The following FGF14 variants were observed in gnomAD, a reference collection of about 807,000 sequenced individuals.
FGF14 encodes the protein fibroblast growth factor homologous factor 4.
In FGF14, 5 loss-of-function variants were observed where a neutral mutation model predicts 25.5. The observed-to-expected ratio is 0.20, with a 90% CI of 0.10 to 0.41. FGF14 has a LOEUF of 0.41. FGF14 is among the 10% of genes least tolerant of loss of function. The probability of loss-of-function intolerance (pLI) is 1.00; values close to 1 mark genes in which losing one functional copy is unlikely to be tolerated. For synonymous variants in FGF14, 138 were observed against 118.3 expected (o/e 1.17, Z -1.08); for missense variants, 222 against 320.1 (o/e 0.69, Z 2.34).
chr13:102,387,402 G>C (rs908742422), intron 1 of FGF14, among the ~76,000 whole-genome samples: 5 of 151,822 alleles, frequency 3.3e-5, no homozygotes, highest in African/African-American at 1.2e-4. Flanking sequence ...GATCATAAAG[G>C]TTACTAAAAC....
intron 1 of FGF14, among the ~76,000 whole-genome samples, chr13:102,109,198 T>TA (rs2045088644): frequency 1.3e-5 from 2 of 152,136 alleles, no homozygotes; most frequent in African/African-American, 2.4e-5. Context: ...TAATTAAAGT[T>TA]AAAATCATAA....
At chr13:102,071,686 A>T (rs2140152960) in intron 1 of FGF14, among the ~76,000 whole-genome samples, 1 of 152,298 alleles carries the variant, frequency 6.6e-6, no homozygotes, top group Middle Eastern at 3.4e-3. Flanking sequence ...TTGATGGTAG[A>T]CAACTAGATA....
intron 1 of FGF14, among the ~76,000 whole-genome samples, chr13:101,957,987 T>C (rs981744962): frequency 3.9e-5 from 6 of 152,162 alleles, no homozygotes; most frequent in Non-Finnish European, 1.5e-5. Context: ...TAGTAAATAG[T>C]ATAGGAAAAT....
At chr13:101,938,641 A>G (rs1363989067) in intron 1 of FGF14, among the ~76,000 whole-genome samples, 3 of 152,176 alleles carry the variant, frequency 2.0e-5, no homozygotes, top group Non-Finnish European at 2.9e-5. Flanking sequence ...TTCTAAATGT[A>G]TCCTCTTGGA....
chr13:101,827,285 C>T (rs894481760), intron 3 of FGF14, among the ~76,000 whole-genome samples: 9 of 151,820 alleles, frequency 5.9e-5, no homozygotes, highest in African/African-American at 2.2e-4. Context: ...ATTTACAATG[C>T]ACATAGCTTG....
At chr13:102,057,692 T>C (rs914135830) in intron 1 of FGF14, among the ~76,000 whole-genome samples, 9 of 152,184 alleles carry the variant, frequency 5.9e-5, no homozygotes, top group African/African-American at 2.2e-4. Context: ...GAACTTATTT[T>C]TGTTGACAGT....
intron 1 of FGF14, among the ~76,000 whole-genome samples, chr13:102,259,492 ACTC>A (rs2052611972): frequency 6.6e-6 from 1 of 151,854 alleles, no homozygotes; most frequent in African/African-American, 2.4e-5. Context: ...GTTAGGAGAC[ACTC>A]CTCCTTGTTT....
chr13:102,332,385 T>C (rs2056659936), intron 1 of FGF14, among the ~76,000 whole-genome samples: 1 of 152,166 alleles, frequency 6.6e-6, no homozygotes, highest in Non-Finnish European at 1.5e-5. Context: ...CCATTGTATG[T>C]TAATATTTTA....
At chr13:101,988,804 T>C (rs1265261126) in intron 1 of FGF14, among the ~76,000 whole-genome samples, 3 of 152,044 alleles carry the variant, frequency 2.0e-5, no homozygotes, top group Non-Finnish European at 4.4e-5. Context: ...CATGTATACA[T>C]ATGTAACAAA....
At chr13:101,786,184 T>C (rs1206443974) in intron 3 of FGF14, among the ~76,000 whole-genome samples, 1 of 152,144 alleles carries the variant, frequency 6.6e-6, no homozygotes, top group Non-Finnish European at 1.5e-5. Flanking sequence ...CAACCTCACC[T>C]CCCAGAATTC....
rs142036927 is a variant in FGF14, at chr13:101,911,275, C to T, written c.193+5178G>A. Among the ~76,000 whole-genome samples, 41 of 152,078 alleles carry T rather than the reference C, an allele frequency of 2.7e-4. No individual in the cohort carries two copies. In the East Asian group the frequency reaches 4.2e-3, roughly 16 times the overall value. The stretch of plus-strand genomic sequence containing the variant: ...CAAATTCAAAATGTGAAGTGAAGCC[C>T]GTAATTGATTACGGTAACTTTGGGA... On this transcript the variant is annotated intron_variant, in intron 1 of 4. Coordinates refer to ENST00000376143, the MANE Select transcript of FGF14 (RefSeq NM_004115.4).
intron 1 of FGF14, among the ~76,000 whole-genome samples, chr13:102,110,919 C>G (rs764531781): frequency 6.6e-6 from 1 of 152,260 alleles, no homozygotes; most frequent in Non-Finnish European, 1.5e-5. Context: ...TTGCTATAAA[C>G]TGACAAAGGT....
chr13:102,228,916 G>A (rs928917591), intron 1 of FGF14, among the ~76,000 whole-genome samples: 7 of 152,122 alleles, frequency 4.6e-5, no homozygotes, highest in African/African-American at 1.4e-4. Context: ...TATATTTTGG[G>A]TTGATTTAAA....
rs1029236215 is a variant in FGF14, at chr13:102,238,917, A to G, written c.208+162554T>C. Among the ~76,000 whole-genome samples the G allele has an allele frequency of 3.0e-4, 46 of 152,168 alleles. 2 individuals are homozygous for G. Among genetic ancestry groups the G allele is most frequent in the Admixed American group, 2.8e-3 (42 of 15,272 alleles). Reference sequence around the variant, plus strand: ...ATATAAAATAAAATGCACATTGCTGAAAAGAATAGCAGGACTGAATACAGT... The same window carrying G: ...ATATAAAATAAAATGCACATTGCTGGAAAGAATAGCAGGACTGAATACAGT... On this transcript the variant is annotated intron_variant, in intron 1 of 4. Coordinates refer to the FGF14 transcript ENST00000376131.
chr13:102,076,054 T>C (rs2043348533), intron 1 of FGF14, among the ~76,000 whole-genome samples: 1 of 152,090 alleles, frequency 6.6e-6, no homozygotes, highest in African/African-American at 2.4e-5. Context: ...GTAAAAAAGT[T>C]ATAGTAAGAT....
intron 1 of FGF14, among the ~76,000 whole-genome samples, chr13:102,007,091 A>G (rs1213834062): frequency 6.6e-6 from 1 of 152,186 alleles, no homozygotes; most frequent in African/African-American, 2.4e-5. Flanking sequence ...AATCAGAAAG[A>G]AATCAATTTT....
intron 3 of FGF14, among the ~76,000 whole-genome samples, chr13:101,766,589 A>G (rs986342433): frequency 1.3e-5 from 2 of 152,220 alleles, no homozygotes; most frequent in African/African-American, 4.8e-5. Context: ...GTTGAGTAAT[A>G]TGAGTGCAGT....
intron 1 of FGF14, among the ~76,000 whole-genome samples, chr13:102,176,105 G>C (rs746592470): frequency 6.6e-6 from 1 of 152,084 alleles, no homozygotes; most frequent in Non-Finnish European, 1.5e-5. Flanking sequence ...ATATCAAAAA[G>C]ACATGTGCAC....
intron 3 of FGF14, among the ~76,000 whole-genome samples, chr13:101,746,345 C>T (rs2036888568): frequency 6.6e-6 from 1 of 151,942 alleles, no homozygotes; most frequent in African/African-American, 2.4e-5. Flanking sequence ...AACCTATGCC[C>T]CAAATCACCA....
Sources: allele counts gnomAD v4.1 joint callset (sites outside exome capture counted in the v4.1 genomes callset), GRCh38; gene constraint gnomAD v4.1.1; transcripts MANE v1.5; gene names NCBI Gene and HGNC (gene_info 2026-07-23, HGNC 2026-07-21).